Variants in RPH3A observed in about 807,000 individuals in gnomAD.
The protein encoded by RPH3A is rabphilin-3A.
Under a neutral mutation model 102.2 loss-of-function variants are expected in RPH3A, and 48 were observed. That is an observed-to-expected ratio of 0.47 (90% CI 0.37 to 0.60). The LOEUF is 0.60. RPH3A is among the 20% of genes least tolerant of loss of function. The probability of loss-of-function intolerance (pLI) is 0.00; values close to 1 mark genes in which losing one functional copy is unlikely to be tolerated. For missense variants in RPH3A, 781 were observed against 910.1 expected, an observed-to-expected ratio of 0.86 and a Z score of 1.83; for synonymous variants, 310 against 324.3, an observed-to-expected ratio of 0.96 and a Z score of 0.47.
intron 2 of RPH3A, among the ~76,000 whole-genome samples, chr12:112,821,206 C>T (rs1290163007): frequency 2.0e-5 from 3 of 152,132 alleles, no homozygotes; most frequent in African/African-American, 7.2e-5. Context: ...AGCAGGAGGT[C>T]GCCGTCTTTC....
intron 2 of RPH3A, among the ~76,000 whole-genome samples, chr12:112,827,894 A>G (rs1293240949): frequency 3.4e-5 from 3 of 88,450 alleles, no homozygotes; most frequent in Non-Finnish European, 4.7e-5. Flanking sequence ...ACTTAAGTAT[A>G]ATAAAAAAAA....
At chr12:112,800,125 G>T (rs559271320) in intron 2 of RPH3A, among the ~76,000 whole-genome samples, 3 of 152,166 alleles carry the variant, frequency 2.0e-5, no homozygotes, top group African/African-American at 7.2e-5. Flanking sequence ...ACTCCAGACC[G>T]CGTGAAGTGC....
chr12:112,800,162 G>A (rs780438185), intron 2 of RPH3A, among the ~76,000 whole-genome samples: 2 of 152,160 alleles, frequency 1.3e-5, no homozygotes, highest in Non-Finnish European at 2.9e-5. Flanking sequence ...AGGAAGACTC[G>A]ATGGAGAATG....
At chr12:112,631,494 A>C (rs1435072669) in intron 1 of RPH3A, among the ~76,000 whole-genome samples, 1 of 152,046 alleles carries the variant, frequency 6.6e-6, no homozygotes, top group Non-Finnish European at 1.5e-5. Context: ...TTAACAAAAA[A>C]GTGTATAAAT....
At chr12:112,744,481 C>A (rs137880573) in intron 1 of RPH3A, among the ~76,000 whole-genome samples, 1 of 152,290 alleles carries the variant, frequency 6.6e-6, no homozygotes, top group East Asian at 1.9e-4. Flanking sequence ...CAGCATTTAT[C>A]TGGAGACCCA....
intron 1 of RPH3A, among the ~76,000 whole-genome samples, chr12:112,632,681 A>G (rs1268054697): frequency 6.6e-6 from 1 of 152,182 alleles, no homozygotes; most frequent in Non-Finnish European, 1.5e-5. Context: ...CCTCTCCTTC[A>G]GGGGACATGT....
intron 1 of RPH3A, among the ~76,000 whole-genome samples, chr12:112,636,928 G>A (rs1007842830): frequency 6.6e-6 from 1 of 152,064 alleles, no homozygotes; most frequent in Non-Finnish European, 1.5e-5. Context: ...TGGAGGAGGG[G>A]CCCCCATCTG....
chr12:112,601,316 C>T (rs964324133), intron 1 of RPH3A, among the ~76,000 whole-genome samples: 2 of 152,180 alleles, frequency 1.3e-5, no homozygotes, highest in African/African-American at 4.8e-5. Context: ...ATGTTTGGCT[C>T]ATTTCCTAGG....
intron 7 of RPH3A, 123 bp downstream of exon 7, chr12:112,866,963 A>T: frequency 1.5e-6 from 1 of 685,618 alleles, no homozygotes; most frequent in South Asian, 1.8e-5. Context: ...GAACAACCTC[A>T]GAGTATTTGG....
At chr12:112,728,662 C>G (rs1449265166) in intron 1 of RPH3A, among the ~76,000 whole-genome samples, 1 of 152,018 alleles carries the variant, frequency 6.6e-6, no homozygotes, top group Non-Finnish European at 1.5e-5. Context: ...AGCCAGTCCC[C>G]CAAAAGATGG....
chr12:112,846,376 G>A (rs930262709), intron 4 of RPH3A, among the ~76,000 whole-genome samples: 2 of 152,176 alleles, frequency 1.3e-5, no homozygotes, highest in African/African-American at 4.8e-5. Context: ...GGCAAGGTGT[G>A]TTTCCACCAG....
In RPH3A at chr12:112,678,285, GAAAGAA is replaced by G. The variant is rs1197631019; in HGVS notation, c.-140+102968_-140+102973del. Among the ~76,000 whole-genome samples the G allele has an allele frequency of 1.0e-3, 81 of 80,824 alleles. 7 individuals carry two copies. Among genetic ancestry groups the G allele is most frequent in the African/African-American group, 3.6e-3 (48 of 13,506 alleles). The allele number at this position is 80,824 out of a possible 152,430, so 53.0% of individuals were successfully genotyped here. On this transcript the variant is annotated intron_variant, in intron 1 of 21. Coordinates refer to the RPH3A transcript ENST00000543106. ...AGAAAGAAAGAAAGAAAGAAAGAAA[GAAAGAA>G]AGAAAGAAAGAAAGAGAGAGAGAGA...
chr12:112,869,674 G>GAACC, intron 8 of RPH3A, 85 bp from the exon 9 acceptor site: 1 of 1,275,012 alleles, frequency 7.8e-7, no homozygotes, highest in East Asian at 2.3e-5. Context: ...AATAGTCAAT[G>GAACC]AACCCCTTTG....
At chr12:112,754,184 T>TCAG (rs2040805611) in intron 1 of RPH3A, among the ~76,000 whole-genome samples, 1 of 152,344 alleles carries the variant, frequency 6.6e-6, no homozygotes, top group East Asian at 1.9e-4. Context: ...GGAAATTAAT[T>TCAG]CAGCAGCCTG....
chr12:112,725,226 G>C (rs1434031239), intron 1 of RPH3A, among the ~76,000 whole-genome samples: 1 of 130,518 alleles, frequency 7.7e-6, no homozygotes. Flanking sequence ...TCCAGCCTAG[G>C]TGACAGAGCA....
intron 4 of RPH3A, among the ~76,000 whole-genome samples, chr12:112,847,245 T>C (rs2042246042): frequency 6.6e-6 from 1 of 152,208 alleles, no homozygotes; most frequent in African/African-American, 2.4e-5. Flanking sequence ...TAGACATTTA[T>C]GTGAATTCAA....
chr12:112,701,125 A>C (rs2040390859), intron 1 of RPH3A, among the ~76,000 whole-genome samples: 1 of 152,228 alleles, frequency 6.6e-6, no homozygotes, highest in African/African-American at 2.4e-5. Context: ...ACTGGGATAC[A>C]AACTTTTCTT....
chr12:112,607,532 G>A (rs1415747308), intron 1 of RPH3A, among the ~76,000 whole-genome samples: 1 of 152,158 alleles, frequency 6.6e-6, no homozygotes, highest in Non-Finnish European at 1.5e-5. Flanking sequence ...GCAGTTTTAT[G>A]TTAATTGGAA....
At chr12:112,667,653 A>G (rs915103935) in intron 1 of RPH3A, among the ~76,000 whole-genome samples, 2 of 143,824 alleles carry the variant, frequency 1.4e-5, no homozygotes, top group African/African-American at 2.6e-5. Context: ...TCATGGGCAG[A>G]GATGAATAAA....
Sources: gnomAD v4.1 joint callset for allele counts (sites outside exome capture counted in the v4.1 genomes callset) on GRCh38, gnomAD v4.1.1 for gene constraint, MANE v1.5 for transcripts, NCBI Gene and HGNC (gene_info 2026-07-23, HGNC 2026-07-21) for gene names.